ARFGEF1: variants seen among roughly 807,000 people sequenced by gnomAD.
ARFGEF1 encodes the protein ARF guanine nucleotide exchange factor 1.
A neutral mutation model predicts 231.0 loss-of-function variants in ARFGEF1; 42 were observed. That is an observed-to-expected ratio of 0.18 (90% CI 0.14 to 0.24). ARFGEF1 has a LOEUF of 0.24. ARFGEF1 is among the 10% of genes least tolerant of loss of function. The probability of loss-of-function intolerance (pLI) is 1.00; values close to 1 mark genes in which losing one functional copy is unlikely to be tolerated. For missense variants in ARFGEF1, 1,345 were observed against 2,192.0 expected (o/e 0.61, Z 7.72); for synonymous variants, 710 against 732.3 (o/e 0.97, Z 0.49).
At chr8:67,181,431 G>C (rs1833016843) in intron 5 of ARFGEF1, among the ~76,000 whole-genome samples, 1 of 151,232 alleles carries the variant, frequency 6.6e-6, no homozygotes, top group African/African-American at 2.4e-5. Flanking sequence ...AGGAGACAGG[G>C]ATGGGAAGAT....
At chr8:67,187,288 G>A (rs1834946571) in intron 5 of ARFGEF1, among the ~76,000 whole-genome samples, 1 of 152,116 alleles carries the variant, frequency 6.6e-6, no homozygotes, top group African/African-American at 2.4e-5. Flanking sequence ...AAGAGTTGGA[G>A]GACTCTCACA....
chr8:67,194,687 TAAA>T (rs546923662), downstream of ARFGEF1, among the ~76,000 whole-genome samples: 6 of 135,568 alleles, frequency 4.4e-5, no homozygotes, highest in African/African-American at 1.3e-4. Context: ...CCAGGAGAAT[TAAA>T]AAAAAAAAAA....
intron 36 of ARFGEF1, chr8:67,201,858 T>A (rs762833039): frequency 1.9e-5 from 8 of 411,390 alleles, no homozygotes; most frequent in Non-Finnish European, 3.0e-5. Flanking sequence ...TGCACTTGAA[T>A]CCCCAAAGCT....
intron 33 of ARFGEF1, among the ~76,000 whole-genome samples, chr8:67,212,169 A>C (rs1260639462): frequency 6.6e-6 from 1 of 151,740 alleles, no homozygotes; most frequent in African/African-American, 2.4e-5. Context: ...CGTGACCTCT[A>C]CCTCCTGGGT....
intron 5 of ARFGEF1, among the ~76,000 whole-genome samples, chr8:67,294,472 A>C (rs1176774545): frequency 1.3e-5 from 2 of 152,302 alleles, no homozygotes; most frequent in South Asian, 2.1e-4. Context: ...AGACAAAAAA[A>C]CCTGAATATA....
intron 1 of ARFGEF1, among the ~76,000 whole-genome samples, chr8:67,306,320 T>C (rs1806743552): frequency 6.6e-6 from 1 of 152,212 alleles, no homozygotes; most frequent in South Asian, 2.1e-4. Context: ...CAGGGCAAGA[T>C]TTCATCATGC....
chr8:67,338,408 A>C (rs1808447037), intron 1 of ARFGEF1, among the ~76,000 whole-genome samples: 1 of 152,210 alleles, frequency 6.6e-6, no homozygotes, highest in African/African-American at 2.4e-5. Flanking sequence ...TGAGTTAGCA[A>C]ACAATGAAAA....
chr8:67,216,626 G>C lies in ARFGEF1; in HGVS notation c.4650C>G (p.Ala1550=). 1 of 1,607,198 alleles carries C rather than the reference G, an allele frequency of 6.2e-7. No individual in the cohort carries two copies. The highest frequency in any genetic ancestry group is 2.3e-5 in the East Asian group (1 of 44,314). Residue 1550 remains alanine, a synonymous_variant, in exon 33 of 39, where the codon GCC becomes GCG. Coordinates refer to ENST00000262215, the MANE Select transcript of ARFGEF1 (RefSeq NM_006421.5). ...LTWRPNSGET[A]PPPPSPVSEK... ...CACTTACAGGAGATGGAGGTGGGGG[G>C]GCAGTTTCTCCAGAATTGGGTCGCC... is the stretch of plus-strand genomic sequence containing the variant.
intron 23 of ARFGEF1, among the ~76,000 whole-genome samples, chr8:67,230,688 A>G (rs1839526100): frequency 1.3e-5 from 2 of 152,092 alleles, no homozygotes; most frequent in African/African-American, 4.8e-5. Flanking sequence ...ATGATGCTAA[A>G]TAATTGTTTT....
At position 67,266,976 on chromosome 8, in the gene ARFGEF1, G is replaced by T. The variant is rs1268754282; in HGVS notation, c.1821C>A (p.Ser607Arg). 1 of 1,612,916 alleles carries T rather than the reference G, an allele frequency of 6.2e-7. No homozygotes were observed. Residue 607 changes from serine (S) to arginine (R), a missense_variant, in exon 13 of 39, where the codon AGC becomes AGA. Coordinates refer to ENST00000262215, the MANE Select transcript of ARFGEF1 (RefSeq NM_006421.5). The stretch of plus-strand genomic sequence containing the variant: ...AGCATTCTAAACCTTTTTTCCTCAG[G>T]CTCAATTCCTACAAAGTAATTCAAA... ...ELGMSNVQEL[S>R]LRKKGLECLV...
chr8:67,189,194 G>T (rs976314856), intron 5 of ARFGEF1, among the ~76,000 whole-genome samples: 1 of 152,252 alleles, frequency 6.6e-6, no homozygotes, highest in African/African-American at 2.4e-5. Context: ...GTCAATTTTG[G>T]AAGACAGTAT....
At chr8:67,240,531 T>C (rs1839897353) in intron 19 of ARFGEF1, among the ~76,000 whole-genome samples, 1 of 152,178 alleles carries the variant, frequency 6.6e-6, no homozygotes, top group African/African-American at 2.4e-5. Context: ...TACCTATAAA[T>C]TATTCACATC....
chr8:67,289,612 T>C (rs979171979), intron 6 of ARFGEF1, among the ~76,000 whole-genome samples: 1 of 133,756 alleles, frequency 7.5e-6, no homozygotes, highest in African/African-American at 2.8e-5. Flanking sequence ...CTACTTATAA[T>C]AGTGGCTTCT....
At chr8:67,184,744 T>A (rs975665019) in intron 5 of ARFGEF1, among the ~76,000 whole-genome samples, 2 of 142,498 alleles carry the variant, frequency 1.4e-5, no homozygotes, top group Non-Finnish European at 3.0e-5. Context: ...AATAAAAAAA[T>A]ATAATAATAA....
intron 9 of ARFGEF1, among the ~76,000 whole-genome samples, chr8:67,275,317 A>G (rs1805267987): frequency 1.3e-5 from 2 of 152,050 alleles, no homozygotes; most frequent in South Asian, 4.1e-4. Flanking sequence ...TTGAATCACG[A>G]GAGATACTTG....
downstream of ARFGEF1, chr8:67,195,418 T>G (rs147611370): frequency 1.2e-6 from 2 of 1,614,126 alleles, no homozygotes; most frequent in African/African-American, 1.3e-5. Flanking sequence ...GATGACATCA[T>G]GAAACACATA....
At chr8:67,337,128 C>CAAAAAAAAA (rs1160016610) in intron 1 of ARFGEF1, among the ~76,000 whole-genome samples, 7 of 54,868 alleles carry the variant, frequency 1.3e-4, no homozygotes, top group African/African-American at 2.2e-4. Context: ...GACGCCGTCT[C>CAAAAAAAAA]AAAAAAAAAA....
chr8:67,260,253 A>G (rs1280469275), intron 14 of ARFGEF1, among the ~76,000 whole-genome samples: 2 of 152,238 alleles, frequency 1.3e-5, no homozygotes, highest in African/African-American at 4.8e-5. Context: ...AATGCCATGT[A>G]GTAGACGAAC....
Position 67,257,741 on chromosome 8 carries a change from G to A in ARFGEF1, c.2517C>T (p.His839=), listed in dbSNP as rs772186397. ...TTAAAAGAAAACATACCTGTGGACT[G>A]TGAAGGTCTGTGGTCAACATGATAA... ...YSIIMLTTDL[H]SPQVKNKMTK... Residue 839 remains histidine, a synonymous_variant, in exon 17 of 39, where the codon CAC becomes CAT. Coordinates refer to ENST00000262215, the MANE Select transcript of ARFGEF1 (RefSeq NM_006421.5). The A allele has an allele frequency of 1.2e-6, 2 of 1,603,850 alleles. No individual in the cohort carries two copies. The highest frequency in any genetic ancestry group is 2.2e-5 in the South Asian group (2 of 89,472).
Sources: allele counts gnomAD v4.1 joint callset (sites outside exome capture counted in the v4.1 genomes callset), GRCh38; gene constraint gnomAD v4.1.1; transcripts MANE v1.5; gene names NCBI Gene and HGNC (gene_info 2026-07-23, HGNC 2026-07-21).